The following SIRT1 variants were observed in gnomAD, a reference collection of about 807,000 sequenced individuals.
SIRT1 encodes sirtuin 1.
Under a neutral mutation model 67.9 loss-of-function variants are expected in SIRT1, and 24 were observed. The ratio of observed to expected loss-of-function variants is 0.35; its 90% confidence interval spans 0.26 to 0.50. SIRT1 has a LOEUF of 0.50. SIRT1 is among the 20% of genes least tolerant of loss of function. SIRT1 has a pLI of 0.98. For synonymous variants in SIRT1, 378 were observed against 350.7 expected, an observed-to-expected ratio of 1.08 and a Z score of -0.87; for missense variants, 873 against 937.2, an observed-to-expected ratio of 0.93 and a Z score of 0.89.
chr10:67,909,706 C>G (rs908339543), intron 7 of SIRT1, among the ~76,000 whole-genome samples: 1 of 152,058 alleles, frequency 6.6e-6, no homozygotes, highest in African/African-American at 2.4e-5. Context: ...TTCTGAGTAG[C>G]TGGGATCACA....
At chr10:67,898,941 TATTTATGAAGTGGTGAACTGTA>T (rs1265778054) in intron 4 of SIRT1, among the ~76,000 whole-genome samples, 1 of 152,136 alleles carries the variant, frequency 6.6e-6, no homozygotes, top group Non-Finnish European at 1.5e-5. Context: ...TTTTAATGGT[TATTTATGAAGTGGTGAACTGTA>T]ATTCTGTATT....
chr10:67,893,637 C>T (rs1174901787), intron 4 of SIRT1, among the ~76,000 whole-genome samples: 11 of 151,660 alleles, frequency 7.3e-5, no homozygotes, highest in African/African-American at 1.9e-4. Context: ...CTCCACTTCC[C>T]GAGTTCAAGA....
chr10:67,907,583 A>C (rs990630497), intron 5 of SIRT1, among the ~76,000 whole-genome samples: 1 of 152,158 alleles, frequency 6.6e-6, no homozygotes, highest in Non-Finnish European at 1.5e-5. Flanking sequence ...TTATGAAACT[A>C]AAAGAACTGG....
At position 67,887,490 on chromosome 10, in the gene SIRT1, C is replaced by T. The variant is rs201738393; in HGVS notation, c.504C>T (p.Ala168=). Residue 168 remains alanine, a synonymous_variant, in exon 2 of 9, where the codon GCC becomes GCT. Transcript: ENST00000212015. ...GTGAAAGTGATGAGGAGGATAGAGC[C>T]TCACATGCAAGCTCTAGTGACTGGA... ...HSCESDEEDR[A]SHASSSDWTP... 2 of 1,613,544 alleles carry T rather than the reference C, an allele frequency of 1.2e-6. No individual in the cohort carries two copies. Among genetic ancestry groups the T allele is most frequent in the Non-Finnish European group, 1.7e-6 (2 of 1,179,610 alleles).
chr10:67,895,068 A>C (rs1257372625), intron 4 of SIRT1, among the ~76,000 whole-genome samples: 1 of 151,530 alleles, frequency 6.6e-6, no homozygotes, highest in African/African-American at 2.4e-5. Context: ...TACAGTTGTT[A>C]CTCACATATA....
At chr10:67,906,752 C>T (rs751157545) in intron 4 of SIRT1, 38 bp from the exon 5 acceptor site, 6 of 1,587,828 alleles carry the variant, frequency 3.8e-6, no homozygotes. Context: ...TAGTTTATTT[C>T]ACTAATGTAA....
At chr10:67,906,659 T>C (rs1220741711) in intron 4 of SIRT1, 131 bp from the exon 5 acceptor site, 1 of 914,530 alleles carries the variant, frequency 1.1e-6, no homozygotes, top group East Asian at 2.6e-5. Context: ...TCCATCTAGA[T>C]ACTTTAAAAT....
At chr10:67,909,794 C>T (rs1224472068) in intron 7 of SIRT1, among the ~76,000 whole-genome samples, 2 of 152,116 alleles carry the variant, frequency 1.3e-5, no homozygotes, top group Middle Eastern at 3.4e-3. Context: ...AGGCTGGTCT[C>T]GAACTCCTCA....
intron 2 of SIRT1, among the ~76,000 whole-genome samples, chr10:67,888,330 C>T (rs548126238): frequency 6.6e-6 from 1 of 152,114 alleles, no homozygotes; most frequent in South Asian, 2.1e-4. Context: ...TTTGTTTTCT[C>T]AAGCCTAGGG....
intron 8 of SIRT1, among the ~76,000 whole-genome samples, chr10:67,914,393 G>C (rs891598731): frequency 2.0e-5 from 3 of 152,102 alleles, no homozygotes; most frequent in Admixed American, 1.3e-4. Context: ...TCTACTTGGA[G>C]ATTAGATTAC....
At chr10:67,912,153 A>G (rs867837774) in intron 7 of SIRT1, among the ~76,000 whole-genome samples, 8 of 152,116 alleles carry the variant, frequency 5.3e-5, no homozygotes, top group African/African-American at 1.2e-4. Context: ...AATCCTCACC[A>G]CAGTCTTGTG....
intron 4 of SIRT1, among the ~76,000 whole-genome samples, chr10:67,900,170 G>A (rs1842719846): frequency 6.6e-6 from 1 of 152,064 alleles, no homozygotes; most frequent in Non-Finnish European, 1.5e-5. Flanking sequence ...TTTTGAGACA[G>A]AGTCGCATTC....
rs947835177 is a variant in SIRT1 at position 67,906,381 on chromosome 10, A to G, written c.943-409A>G. On this transcript the variant is annotated intron_variant, in intron 4 of 8. Coordinates refer to ENST00000212015, the MANE Select transcript of SIRT1 (RefSeq NM_012238.5). ...AAATTTTAAATATTCTTGTATTGACAGTGCTTTTTTTTTTAAATCACCCTA... is the reference window on the plus strand; with the variant it reads ...AAATTTTAAATATTCTTGTATTGACGGTGCTTTTTTTTTTAAATCACCCTA... 5.3e-6 allele frequency: 7 copies of G among 1,318,920 alleles called. No individual in the cohort carries two copies. The African/African-American group carries it at 1.1e-4, about 20-fold the overall frequency. 81.7% of individuals were successfully genotyped at this position (1,318,920 alleles called of 1,614,324 possible).
Position 67,884,772 on chromosome 10 carries a change from G to C in SIRT1, c.51G>C (p.Ala17=), listed in dbSNP as rs907675173. The C allele has an allele frequency of 3.3e-6, 4 of 1,227,702 alleles. No homozygotes were observed. In the African/African-American group the frequency reaches 6.2e-5, roughly 19 times the overall value. The allele number at this position is 1,227,702 out of a possible 1,614,324, so 76.1% of individuals were successfully genotyped here. ...TTCAGCCCGGCGGCTCCCCCTCGGC[G>C]GCGGGGGCCGACAGGGAGGCCGCGT... is the stretch of plus-strand genomic sequence containing the variant. ...LALQPGGSPS[A]AGADREAASS... The change falls in exon 1 of 9, where the codon GCG becomes GCC. Residue 17 remains alanine, a synonymous_variant. Coordinates refer to ENST00000212015, the MANE Select transcript of SIRT1 (RefSeq NM_012238.5).
At chr10:67,890,425 C>G (rs182611170) in intron 3 of SIRT1, among the ~76,000 whole-genome samples, 1 of 152,016 alleles carries the variant, frequency 6.6e-6, no homozygotes, top group African/African-American at 2.4e-5. Context: ...ACTAAAGGAG[C>G]AATTTCTTTG....
chr10:67,894,671 T>C (rs906291469), intron 4 of SIRT1, among the ~76,000 whole-genome samples: 12 of 152,220 alleles, frequency 7.9e-5, no homozygotes, highest in South Asian at 2.1e-4. Context: ...CAGTCACTTA[T>C]AAGGTGTAGC....
intron 3 of SIRT1, 27 bp from the exon 4 acceptor site, chr10:67,891,375 T>G (rs761206951): frequency 6.8e-6 from 11 of 1,609,308 alleles, no homozygotes; most frequent in Non-Finnish European, 9.3e-6. Context: ...AGATTTAATT[T>G]TACAAATTAT....
chr10:67,887,667 T>G, intron 2 of SIRT1, 134 bp downstream of exon 2: 1 of 545,086 alleles, frequency 1.8e-6, no homozygotes, highest in South Asian at 2.0e-5. Context: ...CCCTCCGCCT[T>G]CCAGGTTCAA....
chr10:67,885,382 T>C, intron 1 of SIRT1: 6 of 1,231,064 alleles, frequency 4.9e-6, no homozygotes, highest in Non-Finnish European at 5.1e-6. Flanking sequence ...GCGGCCTTGT[T>C]CTTTCCGCAG....
Sources: allele counts gnomAD v4.1 joint callset (sites outside exome capture counted in the v4.1 genomes callset), GRCh38; gene constraint gnomAD v4.1.1; transcripts MANE v1.5; gene names NCBI Gene and HGNC (gene_info 2026-07-23, HGNC 2026-07-21).